GNG7: variants seen among roughly 807,000 people sequenced by gnomAD.
GNG7 encodes the protein G protein subunit gamma 7, also known as guanine nucleotide-binding protein G(I)/G(S)/G(O) subunit gamma-7.
Under a neutral mutation model 4.0 loss-of-function variants are expected in GNG7, and 1 was observed. The observed-to-expected ratio is 0.25, with a 90% CI of 0.09 to 1.18. The LOEUF (loss-of-function observed/expected upper bound fraction) is 1.18. Ranked by LOEUF, GNG7 falls within the 50% of genes most tolerant of loss-of-function variation. GNG7 has a pLI of 0.50. For synonymous variants in GNG7, 34 were observed against 36.9 expected (o/e 0.92, Z 0.29); for missense variants, 86 against 91.9 (o/e 0.94, Z 0.26).
Position 2,653,479 on chromosome 19 carries a change from C to T in GNG7, c.-134-7199G>A, listed in dbSNP as rs937902725. ...GAGGAGAATCCCAGGAGCTGGGGGG[C>T]CCCCCTGGTTTATACCGTCTTCCCC... On this transcript the variant is annotated intron_variant, in intron 1 of 4. Coordinates refer to ENST00000382159, the MANE Select transcript of GNG7 (RefSeq NM_052847.3). The surrounding 1 kb of genome is among the most constrained non-coding windows in gnomAD (Gnocchi z 4.8). Among the ~76,000 whole-genome samples, 1 of 152,122 alleles carries T rather than the reference C, an allele frequency of 6.6e-6. No homozygotes were observed. Among genetic ancestry groups the T allele is most frequent in the Non-Finnish European group, 1.5e-5 (1 of 68,010 alleles).
chr19:2,513,516 C>G lies in GNG7; in HGVS notation c.*1506G>C. 1 of 985,166 alleles carries G rather than the reference C, an allele frequency of 1.0e-6. No homozygotes were observed. Among genetic ancestry groups the G allele is most frequent in the South Asian group, 4.7e-5 (1 of 21,286 alleles). 61.0% of individuals were successfully genotyped at this position (985,166 alleles called of 1,614,324 possible). ...GGACGCAGTCATCTTTCAGAAGCCT[C>G]CCCCCGACCCCATGACATCTTCGAT... On this transcript the variant is annotated 3_prime_UTR_variant, in exon 5 of 5. Coordinates refer to ENST00000382159, the MANE Select transcript of GNG7 (RefSeq NM_052847.3).
intron 2 of GNG7, among the ~76,000 whole-genome samples, chr19:2,594,438 G>GGAAA (rs1980952879): frequency 7.4e-6 from 1 of 134,820 alleles, no homozygotes; most frequent in Admixed American, 7.1e-5. Flanking sequence ...AAGGAAGGAA[G>GGAAA]GAAGGAAGGA....
chr19:2,576,867 A>G (rs2144787108), intron 2 of GNG7, among the ~76,000 whole-genome samples: 1 of 151,198 alleles, frequency 6.6e-6, no homozygotes, highest in Admixed American at 6.6e-5. Context: ...AATTTGTTCT[A>G]AAGACAGGGT....
intron 1 of GNG7, among the ~76,000 whole-genome samples, chr19:2,687,531 G>A (rs561661189): frequency 6.6e-6 from 1 of 152,088 alleles, no homozygotes; most frequent in African/African-American, 2.4e-5. Flanking sequence ...TAGGAGAATC[G>A]CTTGAGCCCG....
chr19:2,672,854 C>G (rs748401776), intron 1 of GNG7, among the ~76,000 whole-genome samples: 11 of 152,180 alleles, frequency 7.2e-5, no homozygotes, highest in Non-Finnish European at 1.2e-4. Context: ...CGTCACGTGC[C>G]CCTGATGTGT....
Position 2,685,783 on chromosome 19 carries a change from G to A in GNG7, c.-135+16863C>T, listed in dbSNP as rs555130371. 2.0e-5 allele frequency among the ~76,000 whole-genome samples: 3 copies of A among 152,264 alleles called. No individual in the cohort carries two copies. In the East Asian group the frequency reaches 5.8e-4, roughly 29 times the overall value. ...CGTGACCGCCCGGTGTCCTCCTCCCGAGACGAGGGCCTGGTGGGCAGGGGA... is the reference window on the plus strand; with the variant it reads ...CGTGACCGCCCGGTGTCCTCCTCCCAAGACGAGGGCCTGGTGGGCAGGGGA... On this transcript the variant is annotated intron_variant, in intron 1 of 4. Transcript: ENST00000382159.
In GNG7 at chr19:2,618,652, T is replaced by A. The variant is rs1981786939; in HGVS notation, c.-78+27572A>T. Among the ~76,000 whole-genome samples the A allele has an allele frequency of 6.6e-6, 1 of 151,880 alleles. No homozygotes were observed. Among genetic ancestry groups the A allele is most frequent in the South Asian group, 2.1e-4 (1 of 4,810 alleles). ...ACGTGAGCCACCGTGCCCAGCCTGT[T>A]CTATTTTTTTTTTAATAAACAATTT... On this transcript the variant is annotated intron_variant, in intron 2 of 4. Transcript: ENST00000382159. This position sits in a 1 kb window ranked among gnomAD's most constrained non-coding sequence, Gnocchi z 5.1.
rs147957898 is a variant in GNG7, at chr19:2,572,007, T to G, written c.-77-16819A>C. Among the ~76,000 whole-genome samples, 1,340 of 152,148 alleles carry G rather than the reference T, an allele frequency of 8.8e-3. 26 individuals carry two copies. Among genetic ancestry groups the G allele is most frequent in the African/African-American group, 0.03 (1,256 of 41,520 alleles). On this transcript the variant is annotated intron_variant, in intron 2 of 4. Transcript: ENST00000382159. The stretch of plus-strand genomic sequence containing the variant: ...GCCACATTGTCCCTCTCTCTTTGTG[T>G]TTTTGTTGTTTTGTTTTGTTTTGTT...
intron 1 of GNG7, among the ~76,000 whole-genome samples, chr19:2,678,556 T>C (rs1435479624): frequency 6.6e-6 from 1 of 152,132 alleles, no homozygotes; most frequent in South Asian, 2.1e-4. Flanking sequence ...TCACCTATTA[T>C]GGGTGGAGGA....
intron 1 of GNG7, among the ~76,000 whole-genome samples, chr19:2,696,608 G>A (rs1306334129): frequency 6.6e-6 from 1 of 152,210 alleles, no homozygotes; most frequent in South Asian, 2.1e-4. Context: ...GCCTGTCCAC[G>A]CACCGGAACA....
At chr19:2,624,693 G>A (rs979372945) in intron 2 of GNG7, among the ~76,000 whole-genome samples, 7 of 152,196 alleles carry the variant, frequency 4.6e-5, no homozygotes, top group Admixed American at 6.5e-5. Flanking sequence ...CAGCCCTGGC[G>A]GCTATTCCTA....
chr19:2,530,562 A>G (rs2144737019), intron 3 of GNG7, among the ~76,000 whole-genome samples: 1 of 151,686 alleles, frequency 6.6e-6, no homozygotes, highest in East Asian at 1.9e-4. Context: ...CTCTATTAAA[A>G]TACAAAAATT....
chr19:2,603,834 GTTCTT>G (rs1236691994), intron 2 of GNG7, among the ~76,000 whole-genome samples: 1 of 146,220 alleles, frequency 6.8e-6, no homozygotes, highest in Non-Finnish European at 1.5e-5. Flanking sequence ...AGAAGTGCCT[GTTCTT>G]TTATTATTAT....
intron 3 of GNG7, among the ~76,000 whole-genome samples, chr19:2,544,244 C>T (rs749151189): frequency 2.0e-5 from 3 of 152,176 alleles, no homozygotes; most frequent in Non-Finnish European, 4.4e-5. Context: ...GAGAAGGCTC[C>T]GAGGCACTGT....
chr19:2,605,621 C>A lies in GNG7; in HGVS notation c.-78+40603G>T, dbSNP rs190992825. Among the ~76,000 whole-genome samples the A allele has an allele frequency of 7.5e-3, 1,075 of 144,276 alleles. 17 individuals carry two copies. The highest frequency in any genetic ancestry group is 0.012 in the Non-Finnish European group (831 of 66,906). 94.7% of individuals were successfully genotyped at this position (144,276 alleles called of 152,430 possible). ...CTCTGCCTCCTCAGCTGAAGTGATT[C>A]TCCTGCCTCAGCCTCCCGAGTAGCT... On this transcript the variant is annotated intron_variant, in intron 2 of 4. Coordinates refer to ENST00000382159, the MANE Select transcript of GNG7 (RefSeq NM_052847.3).
intron 2 of GNG7, among the ~76,000 whole-genome samples, chr19:2,600,617 G>A (rs1386944149): frequency 6.6e-6 from 1 of 151,590 alleles, no homozygotes. Context: ...GATTACAGGC[G>A]CCACCACCAC....
rs1982247409 is a variant in GNG7, at chr19:2,634,260, T to C, written c.-78+11964A>G. ...GGACATTTGAGGCCCGATTGTTCTC[T>C]GGGGTGGGGCCGTCCTGGGCACTGC... On this transcript the variant is annotated intron_variant, in intron 2 of 4. Coordinates refer to ENST00000382159, the MANE Select transcript of GNG7 (RefSeq NM_052847.3). This position sits in a 1 kb window ranked among gnomAD's most constrained non-coding sequence, Gnocchi z 5.3. 6.6e-6 allele frequency among the ~76,000 whole-genome samples: 1 copy of C among 152,030 alleles called. No individual in the cohort carries two copies. The highest frequency in any genetic ancestry group is 1.5e-5 in the Non-Finnish European group (1 of 67,994).
intron 4 of GNG7, among the ~76,000 whole-genome samples, chr19:2,519,049 G>C (rs1251614611): frequency 6.6e-6 from 1 of 151,036 alleles, no homozygotes; most frequent in East Asian, 2.0e-4. Flanking sequence ...GCCCACCTCA[G>C]CCTCCCAAAG....
chr19:2,562,353 G>A (rs1283096177), intron 2 of GNG7, among the ~76,000 whole-genome samples: 10 of 151,132 alleles, frequency 6.6e-5, no homozygotes, highest in East Asian at 2.0e-4. Flanking sequence ...GCGCGATCTC[G>A]GCTCACTGCA....
Sources: gnomAD v4.1 joint callset for allele counts (sites outside exome capture counted in the v4.1 genomes callset) on GRCh38, gnomAD v4.1.1 for gene constraint, Gnocchi (gnomAD v3.1) non-coding constraint, MANE v1.5 for transcripts, NCBI Gene and HGNC (gene_info 2026-07-23, HGNC 2026-07-21) for gene names.